The following LOC400499 variants were observed in gnomAD, a reference collection of about 807,000 sequenced individuals.
At chr16:11,464,198 G>T in the LOC400499 span, among the ~76,000 whole-genome samples, 1 of 152,118 alleles carries the variant, frequency 6.6e-6, no homozygotes, top group Non-Finnish European at 1.5e-5. Context: ...GGATGTATGT[G>T]TGTGCACACA....
chr16:11,423,880 C>T, the LOC400499 span, among the ~76,000 whole-genome samples: 2 of 152,210 alleles, frequency 1.3e-5, no homozygotes, highest in Non-Finnish European at 2.9e-5. Context: ...GCTGGGAGGG[C>T]AGGGTACCCT....
chr16:11,430,051 G>A, the LOC400499 span, among the ~76,000 whole-genome samples: 1 of 152,204 alleles, frequency 6.6e-6, no homozygotes, highest in East Asian at 1.9e-4. Flanking sequence ...TGGACAAACA[G>A]ACAGAAGGTG....
At chr16:11,383,917 G>C in the LOC400499 span, 2 of 1,231,960 alleles carry the variant, frequency 1.6e-6, no homozygotes, top group East Asian at 6.3e-5. Flanking sequence ...GCTGGAGTGG[G>C]GGCCCTCGAA....
At chr16:11,450,706 G>A in the LOC400499 span, 2 of 1,536,158 alleles carry the variant, frequency 1.3e-6, no homozygotes, top group South Asian at 2.4e-5. Context: ...GTCCTTTAGG[G>A]TCCAGGCCTT....
At chr16:11,410,555 C>T in the LOC400499 span, among the ~76,000 whole-genome samples, 1 of 152,238 alleles carries the variant, frequency 6.6e-6, no homozygotes, top group Non-Finnish European at 1.5e-5. Flanking sequence ...GTAAATGCGG[C>T]AGGGGACCCA....
At chr16:11,382,806 C>T in the LOC400499 span, among the ~76,000 whole-genome samples, 2 of 151,744 alleles carry the variant, frequency 1.3e-5, no homozygotes, top group African/African-American at 4.8e-5. Context: ...TGAGACTGTC[C>T]CAAAAAAGAA....
At chr16:11,501,372 T>C in the LOC400499 span, among the ~76,000 whole-genome samples, 6 of 152,124 alleles carry the variant, frequency 3.9e-5, no homozygotes, top group Non-Finnish European at 8.8e-5. Flanking sequence ...TTTTCTTTTT[T>C]TGTGAGTTAG....
chr16:11,424,349 G>T, the LOC400499 span: 1 of 399,740 alleles, frequency 2.5e-6, no homozygotes, highest in Non-Finnish European at 4.4e-6. Flanking sequence ...GGAGTCCTGG[G>T]GGAAGAGGCC....
chr16:11,462,271 G>A, the LOC400499 span: 168 of 1,511,672 alleles, frequency 1.1e-4, no homozygotes, highest in African/African-American at 1.8e-3. Context: ...GCTCAGCCTC[G>A]CCACCCATGG....
At chr16:11,472,726 G>C in the LOC400499 span, 1 of 152,222 alleles carries the variant, frequency 6.6e-6, no homozygotes. Context: ...AATGATAATA[G>C]TTCCTGCCTC....
At chr16:11,454,360 G>A in the LOC400499 span, among the ~76,000 whole-genome samples, 23 of 152,244 alleles carry the variant, frequency 1.5e-4, no homozygotes, top group Non-Finnish European at 2.9e-4. Flanking sequence ...CTCCCAATGC[G>A]ACCTTAACTG....
At chr16:11,389,885 C>T in the LOC400499 span, among the ~76,000 whole-genome samples, 1 of 152,108 alleles carries the variant, frequency 6.6e-6, no homozygotes, top group Admixed American at 6.5e-5. Context: ...ACTGCGCTCT[C>T]TGCAGCTCCT....
the LOC400499 span, among the ~76,000 whole-genome samples, chr16:11,466,478 C>G: frequency 6.6e-6 from 1 of 152,020 alleles, no homozygotes; most frequent in Admixed American, 6.6e-5. Flanking sequence ...ACCTCCACCC[C>G]ACCAGGTTCA....
chr16:11,492,084 C>T, the LOC400499 span, among the ~76,000 whole-genome samples: 1 of 152,186 alleles, frequency 6.6e-6, no homozygotes, highest in Non-Finnish European at 1.5e-5. Flanking sequence ...CTCATCAATT[C>T]CCCAACAAAT....
the LOC400499 span, among the ~76,000 whole-genome samples, chr16:11,398,158 A>T: frequency 2.0e-5 from 3 of 152,258 alleles, no homozygotes; most frequent in South Asian, 6.2e-4. Flanking sequence ...CCTTCCTCAG[A>T]TGAAACACCA....
the LOC400499 span, among the ~76,000 whole-genome samples, chr16:11,508,343 G>C: frequency 1.3e-5 from 2 of 152,244 alleles, no homozygotes; most frequent in African/African-American, 4.8e-5. Flanking sequence ...AGTTTCGGAG[G>C]AGGCCTGGGC....
the LOC400499 span, among the ~76,000 whole-genome samples, chr16:11,456,210 A>T: frequency 4.9e-4 from 75 of 152,030 alleles, no homozygotes; most frequent in African/African-American, 1.8e-3. Flanking sequence ...ACACATGGCT[A>T]ATTTTTGTAT....
chr16:11,458,675 T>C, the LOC400499 span, among the ~76,000 whole-genome samples: 1 of 152,052 alleles, frequency 6.6e-6, no homozygotes, highest in Non-Finnish European at 1.5e-5. Context: ...GTTCTGGAGA[T>C]AAGTAGTGGT....
the LOC400499 span, among the ~76,000 whole-genome samples, chr16:11,406,457 A>G: frequency 1.7e-4 from 26 of 151,970 alleles, no homozygotes; most frequent in East Asian, 3.1e-3. Flanking sequence ...TTTGAGATGG[A>G]GTTTCACTCT....
Sources: allele counts gnomAD v4.1 joint callset (sites outside exome capture counted in the v4.1 genomes callset), GRCh38; gene constraint gnomAD v4.1.1; transcripts MANE v1.5.